The following PSIP1 variants were observed in gnomAD, a reference collection of about 807,000 sequenced individuals.
The protein encoded by PSIP1 is PC4 and SFRS1-interacting protein.
A neutral mutation model predicts 74.7 loss-of-function variants in PSIP1; 19 were observed. The observed-to-expected ratio is 0.25, with a 90% CI of 0.18 to 0.37. PSIP1 has a LOEUF of 0.37. Ranked by LOEUF, PSIP1 falls within the 10% of genes least tolerant of loss-of-function variation. The pLI, the probability that PSIP1 is intolerant of heterozygous loss-of-function variation, is 1.00. For synonymous variants in PSIP1, 222 were observed against 195.3 expected, an observed-to-expected ratio of 1.14 and a Z score of -1.14; for missense variants, 601 against 614.3, an observed-to-expected ratio of 0.98 and a Z score of 0.23.
chr9:15,472,298 T>C (rs1307575725), intron 10 of PSIP1: 9 of 1,020,238 alleles, frequency 8.8e-6, no homozygotes, highest in Non-Finnish European at 1.1e-5. Context: ...ACCAGTATAT[T>C]ATCGCCCCTC....
At chr9:15,480,312 G>A (rs2036280234) in intron 6 of PSIP1, among the ~76,000 whole-genome samples, 1 of 152,176 alleles carries the variant, frequency 6.6e-6, no homozygotes, top group African/African-American at 2.4e-5. Context: ...ACTGCAAAAG[G>A]AGGAAAGAGA....
At chr9:15,473,319 A>C (rs545871743) in intron 9 of PSIP1, among the ~76,000 whole-genome samples, 1 of 152,334 alleles carries the variant, frequency 6.6e-6, no homozygotes, top group East Asian at 1.9e-4. Context: ...TAAATAACAA[A>C]AATCTCTATA....
chr9:15,481,501 G>GC lies in PSIP1; in HGVS notation c.457-1815dup, dbSNP rs1431096459. On this transcript the variant is annotated intron_variant, in intron 6 of 15. Transcript: ENST00000380733. ...TCACGAGGTCAGGAGTTCGAGACCA[G>GC]CCTGGCCAACATGGTGAAACCCCAT... is the stretch of plus-strand genomic sequence containing the variant. Among the ~76,000 whole-genome samples, 3 of 152,158 alleles carry GC rather than the reference G, an allele frequency of 2.0e-5. No homozygotes were observed. In the East Asian group the frequency reaches 5.8e-4, roughly 29 times the overall value.
chr9:15,482,072 T>A (rs1380837824), intron 6 of PSIP1, among the ~76,000 whole-genome samples: 2 of 152,128 alleles, frequency 1.3e-5, no homozygotes. Context: ...TTCTCTTCAT[T>A]TTTTACCCCT....
chr9:15,510,626 G>A (rs1008526257), intron 1 of PSIP1, among the ~76,000 whole-genome samples, 191 bp downstream of exon 1: 15 of 152,128 alleles, frequency 9.9e-5, no homozygotes, highest in African/African-American at 3.4e-4. Flanking sequence ...GTGCATGGGA[G>A]AGAAAAAGGC....
chr9:15,471,439 A>C, intron 10 of PSIP1: 1 of 1,443,806 alleles, frequency 6.9e-7, no homozygotes, highest in Non-Finnish European at 9.2e-7. Context: ...TAAGATACTA[A>C]AGAAGGGTTG....
At chr9:15,479,273 GATT>G (rs2132084410) in intron 7 of PSIP1, among the ~76,000 whole-genome samples, 1 of 152,174 alleles carries the variant, frequency 6.6e-6, no homozygotes, top group African/African-American at 2.4e-5. Context: ...CTCATTCTCT[GATT>G]ATAACTCCAT....
intron 3 of PSIP1, among the ~76,000 whole-genome samples, chr9:15,493,070 G>T (rs1404620807): frequency 6.6e-6 from 1 of 152,202 alleles, no homozygotes; most frequent in Non-Finnish European, 1.5e-5. Flanking sequence ...GTGTTTGGCA[G>T]CCTGCTTGAA....
intron 2 of PSIP1, among the ~76,000 whole-genome samples, chr9:15,508,791 T>C (rs2037717184): frequency 6.6e-6 from 1 of 152,202 alleles, no homozygotes; most frequent in East Asian, 1.9e-4. Flanking sequence ...CCATTTAAGG[T>C]TGTTGCCCTC....
At chr9:15,490,981 G>A (rs942820869) in intron 3 of PSIP1, among the ~76,000 whole-genome samples, 2 of 152,138 alleles carry the variant, frequency 1.3e-5, no homozygotes, top group African/African-American at 4.8e-5. Context: ...AAGTCACTGT[G>A]AAAACTGAAT....
At chr9:15,497,730 G>C (rs1301107973) in intron 3 of PSIP1, among the ~76,000 whole-genome samples, 1 of 152,040 alleles carries the variant, frequency 6.6e-6, no homozygotes, top group Non-Finnish European at 1.5e-5. Flanking sequence ...AAATGCTAAT[G>C]AATACATGGT....
chr9:15,470,418 TTAAGA>T (rs796169264), intron 10 of PSIP1, among the ~76,000 whole-genome samples: 114 of 152,210 alleles, frequency 7.5e-4, no homozygotes, highest in African/African-American at 2.5e-3. Flanking sequence ...TTAAATAGAC[TTAAGA>T]TAACACTGTT....
chr9:15,486,594 T>A (rs1462660515), intron 5 of PSIP1, among the ~76,000 whole-genome samples: 1 of 152,226 alleles, frequency 6.6e-6, no homozygotes, highest in East Asian at 1.9e-4. Context: ...TTGGACTTCA[T>A]GTTTTACATA....
intron 3 of PSIP1, 55 bp downstream of exon 3, chr9:15,506,506 C>T: frequency 1.6e-6 from 2 of 1,262,774 alleles, no homozygotes; most frequent in South Asian, 1.2e-5. Context: ...ATGTCTACTG[C>T]CTAATAACCC....
chr9:15,486,795 G>T lies in PSIP1; in HGVS notation c.393+32C>A, dbSNP rs756568511. ...CATTATTTCTTCCTTGAAACAAAAT[G>T]GGTTTAAAATGTTAGGAGAAATAGA... On this transcript the variant is annotated intron_variant, in intron 5 of 15. Transcript: ENST00000380733. The T allele has an allele frequency of 8.3e-6, 12 of 1,450,690 alleles. No homozygotes were observed. The East Asian group carries it at 2.3e-4, about 28-fold the overall frequency. 89.9% of individuals were successfully genotyped at this position (1,450,690 alleles called of 1,614,324 possible). A position where few individuals can be genotyped will look rare whatever the true frequency, so the allele number is the denominator to read the frequency against.
intron 5 of PSIP1, among the ~76,000 whole-genome samples, 169 bp from the exon 6 acceptor site, chr9:15,486,237 G>C (rs539144072): frequency 6.6e-6 from 1 of 152,298 alleles, no homozygotes; most frequent in Non-Finnish European, 1.5e-5. Context: ...TATAAAGTGA[G>C]AAAAATGCAT....
Position 15,465,365 on chromosome 9 carries a change from G to GTTTAC in PSIP1, c.*150_*154dup, listed in dbSNP as rs577439536. ...CTGCACAAGTACACTTAGCGATAAT[G>GTTTAC]TTTACTTTACTTTAAAACAAAGGGA... On this transcript the variant is annotated 3_prime_UTR_variant, in exon 16 of 16. Coordinates refer to ENST00000380733, the MANE Select transcript of PSIP1 (RefSeq NM_033222.5). 8 of 636,460 alleles carry GTTTAC rather than the reference G, an allele frequency of 1.3e-5. No individual in the cohort carries two copies. Among genetic ancestry groups the GTTTAC allele is most frequent in the Admixed American group, 3.4e-5 (1 of 29,356 alleles). The allele number at this position is 636,460 out of a possible 1,614,324, so 39.4% of individuals were successfully genotyped here.
chr9:15,474,849 C>A (rs761525618), intron 8 of PSIP1, among the ~76,000 whole-genome samples: 10 of 152,148 alleles, frequency 6.6e-5, no homozygotes, highest in Non-Finnish European at 1.3e-4. Flanking sequence ...TAAAGCAATT[C>A]TTTTACAAAT....
chr9:15,510,544 GA>G (rs2037821597), intron 1 of PSIP1, among the ~76,000 whole-genome samples: 1 of 152,094 alleles, frequency 6.6e-6, no homozygotes, highest in African/African-American at 2.4e-5. Context: ...TGCCCGGCCA[GA>G]AATCGCCCGT....
Sources: gnomAD v4.1 joint callset for allele counts (sites outside exome capture counted in the v4.1 genomes callset) on GRCh38, gnomAD v4.1.1 for gene constraint, MANE v1.5 for transcripts, NCBI Gene and HGNC (gene_info 2026-07-23, HGNC 2026-07-21) for gene names.